Variants in ADAMTS10 observed in about 807,000 individuals in gnomAD.
ADAMTS10 encodes A disintegrin and metalloproteinase with thrombospondin motifs 10.
ADAMTS10 carries 48 observed loss-of-function variants against 135.9 expected under a neutral mutation model. That is an observed-to-expected ratio of 0.35 (90% CI 0.28 to 0.45). ADAMTS10 has a LOEUF of 0.45. Ranked by LOEUF, ADAMTS10 falls within the 20% of genes least tolerant of loss-of-function variation. The pLI, the probability that ADAMTS10 is intolerant of heterozygous loss-of-function variation, is 1.00. For missense variants in ADAMTS10, 1,131 were observed against 1,565.2 expected, an observed-to-expected ratio of 0.72 and a Z score of 4.68; for synonymous variants, 621 against 647.5, an observed-to-expected ratio of 0.96 and a Z score of 0.62.
intron 4 of ADAMTS10, chr19:8,604,792 T>G: frequency 1.6e-6 from 1 of 617,478 alleles, no homozygotes; most frequent in Non-Finnish European, 2.8e-6. Flanking sequence ...AGCCTCGAAT[T>G]TTTTGAGATT....
chr19:8,580,778 CTCCGTCTCACCCT>C lies in ADAMTS10; in HGVS notation c.*102_*114del. ...GGGGTTCCCAATAAATAACTTCCGGCTCCGTCTCACCCTTCCCTCCCAGTTCCCGCCCCCCCGG... is the reference window on the plus strand; with the variant it reads ...GGGGTTCCCAATAAATAACTTCCGGCTCCCTCCCAGTTCCCGCCCCCCCGG... On this transcript the variant is annotated 3_prime_UTR_variant, in exon 26 of 26. Transcript: ENST00000597188. The C allele has an allele frequency of 2.5e-6, 2 of 797,776 alleles. No individual in the cohort carries two copies. Among genetic ancestry groups the C allele is most frequent in the South Asian group, 3.1e-5 (2 of 64,168 alleles). The allele number at this position is 797,776 out of a possible 1,614,324, so 49.4% of individuals were successfully genotyped here.
In ADAMTS10 at chr19:8,592,086, G is replaced by A; in HGVS notation, c.1605C>T (p.Val535=). The A allele has an allele frequency of 6.2e-7, 1 of 1,613,798 alleles. No homozygotes were observed. Among genetic ancestry groups the A allele is most frequent in the Non-Finnish European group, 8.5e-7 (1 of 1,179,984 alleles). ...CTGGGCGCGACCCAAAGGGGACACA[G>A]ACCCGTTTGTAGCACCACTGGGTGG... The part of the protein sequence containing the change: ...TIDKGWCYKR[V]CVPFGSRPEG... The change falls in exon 14 of 26, where the codon GTC becomes GTT. Residue 535 remains valine, a synonymous_variant. Transcript: ENST00000597188.
intron 12 of ADAMTS10, 167 bp from the exon 13 acceptor site, chr19:8,593,037 C>T (rs1389741407): frequency 1.5e-6 from 1 of 679,112 alleles, no homozygotes; most frequent in Non-Finnish European, 2.7e-6. Context: ...CCTTGCGGGG[C>T]ATGGCCTGTG....
chr19:8,604,733 G>A (rs568661592), intron 4 of ADAMTS10, among the ~76,000 whole-genome samples: 5 of 151,946 alleles, frequency 3.3e-5, no homozygotes, highest in East Asian at 1.9e-4. Flanking sequence ...TGATCTGCCC[G>A]CCTCACCCTC....
In ADAMTS10 at chr19:8,586,658, C is replaced by T. The variant is rs962019378; in HGVS notation, c.2303G>A (p.Arg768His). The T allele has an allele frequency of 1.5e-5, 24 of 1,614,004 alleles. No individual in the cohort carries two copies. The highest frequency in any genetic ancestry group is 1.6e-4 in the Middle Eastern group (1 of 6,062). ...EGLPGTPQPHRLPLAGTTFQL... is the reference protein window; with the variant it reads ...EGLPGTPQPHHLPLAGTTFQL... Reference sequence around the variant, plus strand: ...AAAGGTGGTCCCAGCTAGAGGCAGACGGTGGGGCTGGGGGGTCCCAGGCAG... The same window carrying T: ...AAAGGTGGTCCCAGCTAGAGGCAGATGGTGGGGCTGGGGGGTCCCAGGCAG... Residue 768 changes from arginine (R) to histidine (H), a missense_variant, in exon 20 of 26, where the codon CGT (arginine) becomes CAT (histidine). Physicochemically the swap from Arg to His is conservative, Grantham distance 29 (BLOSUM62 0). This residue lies in a region of ADAMTS10 where 745 missense variants were observed against 1,056.3 expected (regional missense o/e 0.71). Coordinates refer to ENST00000597188, the MANE Select transcript of ADAMTS10 (RefSeq NM_030957.4).
intron 25 of ADAMTS10, among the ~76,000 whole-genome samples, chr19:8,581,862 A>AC (rs1321055679): frequency 8.3e-6 from 1 of 120,408 alleles, no homozygotes; most frequent in African/African-American, 2.7e-5. Context: ...CAAAAAAACA[A>AC]AAAAAAAAAA....
At position 8,580,818 on chromosome 19, in the gene ADAMTS10, G is replaced by T; in HGVS notation, c.*75C>A. On this transcript the variant is annotated 3_prime_UTR_variant, in exon 26 of 26. Coordinates refer to ENST00000597188, the MANE Select transcript of ADAMTS10 (RefSeq NM_030957.4). The stretch of plus-strand genomic sequence containing the variant: ...CCCTCCCAGTTCCCGCCCCCCCGGG[G>T]CCCCCTCTGGCCGGCCCGCTGCAGG... 1.6e-6 allele frequency: 2 copies of T among 1,247,414 alleles called. No homozygotes were observed. Among genetic ancestry groups the T allele is most frequent in the Non-Finnish European group, 1.1e-6 (1 of 885,044 alleles). 77.3% of individuals were successfully genotyped at this position (1,247,414 alleles called of 1,614,324 possible).
chr19:8,592,769 G>C lies in ADAMTS10; in HGVS notation c.1581C>G (p.Asp527Glu), dbSNP rs782558380. The C allele has an allele frequency of 6.8e-6, 11 of 1,611,604 alleles. No individual in the cohort carries two copies. The highest frequency in any genetic ancestry group is 9.3e-6 in the Non-Finnish European group (11 of 1,179,776). ...EGTLCQTHTI[D>E]KGWCYKRVCV... Reference sequence around the variant, plus strand: ...GGCCCTGGCCGGCGCTCACCCCCTTGTCGATGGTGTGCGTCTGGCACAGCG... The same window carrying C: ...GGCCCTGGCCGGCGCTCACCCCCTTCTCGATGGTGTGCGTCTGGCACAGCG... Residue 527 changes from aspartate (D) to glutamate (E), a missense_variant, in exon 13 of 26, where the codon GAC (aspartate) becomes GAG (glutamate). By Grantham distance (45) the Asp-to-Glu change is conservative (BLOSUM62 2). Coordinates refer to ENST00000597188, the MANE Select transcript of ADAMTS10 (RefSeq NM_030957.4).
Position 8,589,597 on chromosome 19 carries a change from GGCCCCGTC to G in ADAMTS10, c.1901-20_1901-13del. The stretch of plus-strand genomic sequence containing the variant: ...GGCCTTCACGCCCCCTGGGGGGCAC[GGCCCCGTC>G]ACACCACGGGCCAGGCCACCCCGGA... On this transcript the variant is annotated splice_polypyrimidine_tract_variant and intron_variant, in intron 16 of 25. Transcript: ENST00000597188. 1 of 1,613,108 alleles carries G rather than the reference GGCCCCGTC, an allele frequency of 6.2e-7. No individual in the cohort carries two copies. Among genetic ancestry groups the G allele is most frequent in the Non-Finnish European group, 8.5e-7 (1 of 1,179,934 alleles).
Position 8,584,883 on chromosome 19 carries a change from T to C in ADAMTS10, c.3202+12A>G. ...GACCCTCCTGGCGCACCCTGGCTGGTCACCCACATACCTTCAGGGCCGTCC... is the reference window on the plus strand; with the variant it reads ...GACCCTCCTGGCGCACCCTGGCTGGCCACCCACATACCTTCAGGGCCGTCC... On this transcript the variant is annotated intron_variant, in intron 25 of 25. Coordinates refer to ENST00000597188, the MANE Select transcript of ADAMTS10 (RefSeq NM_030957.4). 1 of 1,548,776 alleles carries C rather than the reference T, an allele frequency of 6.5e-7. No individual in the cohort carries two copies. The highest frequency in any genetic ancestry group is 8.7e-7 in the Non-Finnish European group (1 of 1,146,348).
At chr19:8,592,943 G>T in intron 12 of ADAMTS10, 73 bp from the exon 13 acceptor site, 1 of 1,387,670 alleles carries the variant, frequency 7.2e-7, no homozygotes, top group Non-Finnish European at 1.0e-6. Context: ...GGCTTGGGAG[G>T]ACCCAGATGT....
chr19:8,595,707 C>A, intron 12 of ADAMTS10, 55 bp downstream of exon 12: 2 of 1,420,548 alleles, frequency 1.4e-6, no homozygotes, highest in Non-Finnish European at 1.9e-6. Flanking sequence ...TTCCCTCCCC[C>A]AGCCCCAGCG....
chr19:8,596,610 A>AG lies in ADAMTS10; in HGVS notation c.1041-26dup. On this transcript the variant is annotated intron_variant, in intron 8 of 25. Coordinates refer to ENST00000597188, the MANE Select transcript of ADAMTS10 (RefSeq NM_030957.4). This position sits in a 1 kb window ranked among gnomAD's most constrained non-coding sequence, Gnocchi z 7.2. ...GCTGTAAAAGGAGACAGGGTCAGTG[A>AG]GGGGGCTGGGCTGTCTCCCTAAGCC... 6.2e-7 allele frequency: 1 copy of AG among 1,611,694 alleles called. No homozygotes were observed. Among genetic ancestry groups the AG allele is most frequent in the Non-Finnish European group, 8.5e-7 (1 of 1,179,522 alleles).
At chr19:8,585,794 AT>A in intron 22 of ADAMTS10, 134 bp from the exon 23 acceptor site, 1 of 952,626 alleles carries the variant, frequency 1.0e-6, no homozygotes, top group Non-Finnish European at 1.6e-6. Flanking sequence ...GCACCTCCAC[AT>A]TCCACACTTG....
chr19:8,597,109 A>T lies in ADAMTS10; in HGVS notation c.918T>A (p.His306Gln), dbSNP rs1555740440. 1 of 1,614,074 alleles carries T rather than the reference A, an allele frequency of 6.2e-7. No homozygotes were observed. Among genetic ancestry groups the T allele is most frequent in the Non-Finnish European group, 8.5e-7 (1 of 1,180,054 alleles). The part of the protein sequence containing the change: ...EDQPTLEITH[H>Q]AGKSLDSFCK... ...AGAAGCTGTCCAGGGACTTCCCGGCATGGTGGGTGATCTCCAGAGTGGGCT... is the reference window on the plus strand; with the variant it reads ...AGAAGCTGTCCAGGGACTTCCCGGCTTGGTGGGTGATCTCCAGAGTGGGCT... Residue 306 changes from histidine to glutamine, a missense_variant, in exon 8 of 26, where the codon CAT becomes CAA. Physicochemically the swap from His to Gln is conservative, Grantham distance 24 (BLOSUM62 0). This residue lies in a region of ADAMTS10 where 80 missense variants were observed against 164.4 expected (regional missense o/e 0.49). Transcript: ENST00000597188.
Position 8,604,905 on chromosome 19 carries a change from A to T in ADAMTS10, c.435+107T>A, listed in dbSNP as rs2042702465. The T allele has an allele frequency of 2.3e-6, 3 of 1,290,788 alleles. No individual in the cohort carries two copies. In the South Asian group the frequency reaches 3.9e-5, roughly 17 times the overall value. The allele number at this position is 1,290,788 out of a possible 1,614,324, so 80.0% of individuals were successfully genotyped here. A position where few individuals can be genotyped will look rare whatever the true frequency, so the allele number is the denominator to read the frequency against. ...AAGCACTGATTGGCTCAAAACACTT[A>T]AAAAACATCCCACTATCATTCCTTC... On this transcript the variant is annotated intron_variant, in intron 4 of 25. Transcript: ENST00000597188.
Position 8,603,796 on chromosome 19 carries a change from C to G in ADAMTS10, c.524G>C (p.Gly175Ala). The G allele has an allele frequency of 1.2e-6, 2 of 1,614,114 alleles. No homozygotes were observed. Among genetic ancestry groups the G allele is most frequent in the Non-Finnish European group, 1.7e-6 (2 of 1,180,034 alleles). The part of the protein sequence containing the change: ...PKGSRSPEES[G>A]PHVVYKRSSL... ...GGAACGCTTGTACACCACATGTGGT[C>G]CACTTTCCTCCGGGCTCCGAGAACC... Residue 175 changes from glycine to alanine, a missense_variant, in exon 5 of 26, where the codon GGA (glycine) becomes GCA (alanine). Coordinates refer to ENST00000597188, the MANE Select transcript of ADAMTS10 (RefSeq NM_030957.4).
chr19:8,588,405 C>T (rs1346968142), intron 18 of ADAMTS10, among the ~76,000 whole-genome samples: 2 of 151,912 alleles, frequency 1.3e-5, no homozygotes, highest in African/African-American at 4.8e-5. Context: ...TGCCAGCGGC[C>T]AGGCTGCTTA....
rs1555738983 is a variant in ADAMTS10, at chr19:8,591,830, C to T, written c.1767G>A (p.Glu589=). Residue 589 remains glutamate, a synonymous_variant, in exon 15 of 26, where the codon GAG becomes GAA. Transcript: ENST00000597188. ...PTIGGKYCLG[E]RRRHRSCNTD... ...TGTTGCAGGAGCGGTGCCGCCTTCT[C>T]TCACCCAGACAGTACTTGCCCCCGA... 6.2e-7 allele frequency: 1 copy of T among 1,613,828 alleles called. No individual in the cohort carries two copies. The highest frequency in any genetic ancestry group is 1.3e-5 in the African/African-American group (1 of 75,044).
Sources: gnomAD v4.1 joint callset for allele counts (sites outside exome capture counted in the v4.1 genomes callset) on GRCh38, gnomAD v4.1.1 for gene constraint, gnomAD v4.1.1 regional missense constraint, Gnocchi (gnomAD v3.1) non-coding constraint, MANE v1.5 for transcripts, NCBI Gene and HGNC (gene_info 2026-07-23, HGNC 2026-07-21) for gene names.